EIF4G3: variants seen among roughly 807,000 people sequenced by gnomAD.
EIF4G3 encodes eIF-4-gamma 3.
In EIF4G3, 34 loss-of-function variants were observed where a neutral mutation model predicts 186.4. That is an observed-to-expected ratio of 0.18 (90% CI 0.14 to 0.24). EIF4G3 has a LOEUF of 0.24. EIF4G3 is among the 10% of genes least tolerant of loss of function. The pLI is 1.00. For missense variants in EIF4G3, 1,536 were observed against 1,948.5 expected, an observed-to-expected ratio of 0.79 and a Z score of 3.99; for synonymous variants, 673 against 679.5, an observed-to-expected ratio of 0.99 and a Z score of 0.15.
chr1:20,893,682 T>G (rs774435884), intron 17 of EIF4G3, 46 bp from the exon 18 acceptor site: 3 of 1,439,654 alleles, frequency 2.1e-6, no homozygotes, highest in Non-Finnish European at 2.8e-6. Context: ...TCCAGAGCAT[T>G]CCCTGCCACA....
At chr1:21,096,536 A>C (rs2101640321) in intron 2 of EIF4G3, among the ~76,000 whole-genome samples, 1 of 152,348 alleles carries the variant, frequency 6.6e-6, no homozygotes, top group East Asian at 1.9e-4. Flanking sequence ...CCCACTGTGA[A>C]GAAATATCAG....
rs546676308 is a variant in EIF4G3, at chr1:20,977,471, G to C, written c.493+2863C>G. Among the ~76,000 whole-genome samples, 3 of 152,282 alleles carry C rather than the reference G, an allele frequency of 2.0e-5. No homozygotes were observed. In the East Asian group the frequency reaches 5.8e-4, roughly 29 times the overall value. ...CAAAGTGCTGGGATTACAGGCATGA[G>C]CCACCACACCCGGCCTTTTTAAATT... On this transcript the variant is annotated intron_variant, in intron 10 of 36. Coordinates refer to ENST00000602326, the MANE Select transcript of EIF4G3 (RefSeq NM_001391906.1).
chr1:20,969,764 C>T (rs1373319315), intron 11 of EIF4G3, among the ~76,000 whole-genome samples, 168 bp from the exon 12 acceptor site: 1 of 152,070 alleles, frequency 6.6e-6, no homozygotes, highest in Non-Finnish European at 1.5e-5. Flanking sequence ...TAAATGTAGG[C>T]CATTAGCTCT....
chr1:20,814,459 A>C (rs2059943591), intron 34 of EIF4G3, among the ~76,000 whole-genome samples: 1 of 152,130 alleles, frequency 6.6e-6, no homozygotes, highest in African/African-American at 2.4e-5. Flanking sequence ...AAGTATAACC[A>C]CTTAAAAACA....
At chr1:21,028,980 G>A (rs961935280) in intron 4 of EIF4G3, among the ~76,000 whole-genome samples, 7 of 152,124 alleles carry the variant, frequency 4.6e-5, no homozygotes, top group Non-Finnish European at 8.8e-5. Flanking sequence ...CCTGGATGCC[G>A]CAAGTGAATC....
At chr1:21,129,080 C>A (rs1041772445) in intron 2 of EIF4G3, among the ~76,000 whole-genome samples, 1 of 151,738 alleles carries the variant, frequency 6.6e-6, no homozygotes, top group Non-Finnish European at 1.5e-5. Context: ...TTTGGGAGGC[C>A]GAGGCGGGTG....
At chr1:21,088,993 A>T in intron 3 of EIF4G3, 145 bp downstream of exon 3, 1 of 598,432 alleles carries the variant, frequency 1.7e-6, no homozygotes, top group Non-Finnish European at 3.0e-6. Context: ...ATGATATGGA[A>T]AGGGCCTATC....
intron 14 of EIF4G3, among the ~76,000 whole-genome samples, chr1:20,931,624 C>G (rs2095314679): frequency 6.6e-6 from 1 of 152,144 alleles, no homozygotes; most frequent in Non-Finnish European, 1.5e-5. Flanking sequence ...CCTTCTCTTT[C>G]ACTGTGAAAG....
At chr1:21,078,625 A>G (rs1426137786) in intron 3 of EIF4G3, among the ~76,000 whole-genome samples, 1 of 152,242 alleles carries the variant, frequency 6.6e-6, no homozygotes, top group Non-Finnish European at 1.5e-5. Context: ...CAAAAGATAA[A>G]TATTTGAGGT....
At chr1:21,117,370 G>C (rs1455264742) in intron 2 of EIF4G3, among the ~76,000 whole-genome samples, 2 of 152,068 alleles carry the variant, frequency 1.3e-5, no homozygotes, top group East Asian at 3.9e-4. Flanking sequence ...TGTTTATTTT[G>C]ACTGTACTTT....
At chr1:21,095,831 G>GC (rs936811707) in intron 2 of EIF4G3, among the ~76,000 whole-genome samples, 3 of 151,764 alleles carry the variant, frequency 2.0e-5, no homozygotes, top group Non-Finnish European at 2.9e-5. Flanking sequence ...CAGAGACTAT[G>GC]CAACAATGGC....
At chr1:20,889,769 C>A (rs1228962670) in intron 18 of EIF4G3, among the ~76,000 whole-genome samples, 2 of 152,112 alleles carry the variant, frequency 1.3e-5, no homozygotes, top group South Asian at 4.1e-4. Context: ...GAATTACAGG[C>A]GTGAACCACC....
rs71569804 is a variant in EIF4G3 at position 21,024,901 on chromosome 1, T to TAAA, written c.-66-22096_-66-22094dup. ...ATAATTATCAATAAAAAAATAAATT[T>TAAA]AAAAAAAAAAAAAGAAAGTGGTGTA... On this transcript the variant is annotated intron_variant, in intron 4 of 36. Transcript: ENST00000602326. 2.7e-4 allele frequency among the ~76,000 whole-genome samples: 39 copies of TAAA among 143,174 alleles called. 1 individual carries two copies. The highest frequency in any genetic ancestry group is 1.1e-3 in the South Asian group (5 of 4,498). 93.9% of individuals were successfully genotyped at this position (143,174 alleles called of 152,430 possible).
At chr1:20,893,476 C>T in intron 18 of EIF4G3, 41 bp downstream of exon 18, 4 of 1,547,096 alleles carry the variant, frequency 2.6e-6, no homozygotes, top group Non-Finnish European at 3.5e-6. Context: ...GGAGTCTGTG[C>T]CAGTGTCTAA....
chr1:21,148,900 A>G (rs1427943109), intron 2 of EIF4G3, among the ~76,000 whole-genome samples: 2 of 151,958 alleles, frequency 1.3e-5, no homozygotes, highest in East Asian at 3.9e-4. Flanking sequence ...CTAATACTAT[A>G]AAGCCATTAA....
intron 2 of EIF4G3, among the ~76,000 whole-genome samples, chr1:21,151,079 T>C (rs988948650): frequency 3.3e-5 from 5 of 152,246 alleles, no homozygotes; most frequent in Non-Finnish European, 4.4e-5. Context: ...TGAACACTGT[T>C]GCATAACCAA....
At chr1:20,963,814 C>T (rs1032548424) in intron 12 of EIF4G3, among the ~76,000 whole-genome samples, 6 of 151,228 alleles carry the variant, frequency 4.0e-5, no homozygotes, top group Non-Finnish European at 2.9e-5. Context: ...AATTAGCTGG[C>T]GTGGTGGCAC....
intron 2 of EIF4G3, among the ~76,000 whole-genome samples, chr1:21,128,364 G>C (rs1257110651): frequency 2.0e-5 from 3 of 151,718 alleles, no homozygotes; most frequent in Non-Finnish European, 4.4e-5. Context: ...ACAAGAATTA[G>C]CCAGGTGTAG....
chr1:20,871,370 A>C (rs981280974), intron 20 of EIF4G3, among the ~76,000 whole-genome samples: 1 of 152,188 alleles, frequency 6.6e-6, no homozygotes, highest in African/African-American at 2.4e-5. Context: ...AAAGCTCAGC[A>C]GCATCCTCAC....
Sources: allele counts gnomAD v4.1 joint callset (sites outside exome capture counted in the v4.1 genomes callset), GRCh38; gene constraint gnomAD v4.1.1; transcripts MANE v1.5; gene names NCBI Gene and HGNC (gene_info 2026-07-23, HGNC 2026-07-21).